Variants in KIF21B observed in about 807,000 individuals in gnomAD.
KIF21B encodes kinesin family member 21B, also known as kinesin-like protein KIF21B.
Under a neutral mutation model 192.9 loss-of-function variants are expected in KIF21B, and 85 were observed. That is an observed-to-expected ratio of 0.44 (90% CI 0.37 to 0.53). The LOEUF is 0.53. Ranked by LOEUF, KIF21B falls within the 20% of genes least tolerant of loss-of-function variation. The pLI is 0.00. For synonymous variants in KIF21B, 832 were observed against 884.6 expected (o/e 0.94, Z 1.05); for missense variants, 1,716 against 2,194.8 (o/e 0.78, Z 4.36).
Position 200,976,773 on chromosome 1 carries a change from T to C in KIF21B, c.4443+3A>G. The C allele has an allele frequency of 6.3e-7, 1 of 1,598,526 alleles. No homozygotes were observed. The highest frequency in any genetic ancestry group is 8.6e-7 in the Non-Finnish European group (1 of 1,167,256). ...CCCGACCCAGGCCTCATAGCTGAGGTACCTTAACGTAGTGGTCCTTGGAGC... is the reference window on the plus strand; with the variant it reads ...CCCGACCCAGGCCTCATAGCTGAGGCACCTTAACGTAGTGGTCCTTGGAGC... On this transcript the variant is annotated splice_donor_region_variant and intron_variant, in intron 32 of 34. Transcript: ENST00000461742.
chr1:200,996,434 T>C (rs1484077806), intron 14 of KIF21B, 39 bp from the exon 15 acceptor site: 12 of 1,579,982 alleles, frequency 7.6e-6, no homozygotes, highest in Non-Finnish European at 1.0e-5. Context: ...GCTGGGTCCC[T>C]AAGGGCTCCC....
At chr1:201,021,562 G>A (rs765366569) in intron 1 of KIF21B, among the ~76,000 whole-genome samples, 2 of 152,188 alleles carry the variant, frequency 1.3e-5, no homozygotes, top group African/African-American at 2.4e-5. Flanking sequence ...AAAGGGTCCC[G>A]GGAAGCTTCT....
rs1427785423 is a variant in KIF21B, at chr1:201,000,794, G to A, written c.1403-14C>T. On this transcript the variant is annotated splice_polypyrimidine_tract_variant and intron_variant, in intron 9 of 34. Transcript: ENST00000461742. This position sits in a 1 kb window ranked among gnomAD's most constrained non-coding sequence, Gnocchi z 6.0. ...CATTGCCATCGCCTGGAGTGGGACG[G>A]CGGGAAGAAGGGTGCGATAAAGAAG... 1.2e-6 allele frequency: 2 copies of A among 1,613,934 alleles called. No homozygotes were observed. Among genetic ancestry groups the A allele is most frequent in the Non-Finnish European group, 1.7e-6 (2 of 1,179,930 alleles).
chr1:201,006,858 A>G (rs1320612872), intron 3 of KIF21B, among the ~76,000 whole-genome samples: 5 of 151,804 alleles, frequency 3.3e-5, no homozygotes, highest in African/African-American at 1.2e-4. Flanking sequence ...AGAGACACAC[A>G]GACACACACA....
chr1:200,987,314 A>G (rs935108367), intron 24 of KIF21B, 113 bp from the exon 25 acceptor site: 34 of 926,984 alleles, frequency 3.7e-5, no homozygotes, highest in South Asian at 1.7e-4. Context: ...AACATGGCTC[A>G]CTGCAGCCTC....
At chr1:201,011,858 G>A (rs901600881) in intron 1 of KIF21B, among the ~76,000 whole-genome samples, 1 of 152,266 alleles carries the variant, frequency 6.6e-6, no homozygotes, top group African/African-American at 2.4e-5. Context: ...GTAGGCAGAT[G>A]GCAATGCTGA....
At position 201,008,836 on chromosome 1, in the gene KIF21B, C is replaced by T. The variant is rs142552201; in HGVS notation, c.380G>A (p.Arg127His). ...GCCCTGCTCCTGTGCCCGGCGCTTG[C>T]GCTCGGCAATGCCCCCAAAGAGGTG... is the stretch of plus-strand genomic sequence containing the variant. Reference protein sequence around the residue: ...IAHLFGGIAERKRRAQEQGVA... With the variant: ...IAHLFGGIAEHKRRAQEQGVA... Residue 127 changes from arginine to histidine, a missense_variant, in exon 3 of 35, where the codon CGC (arginine) becomes CAC (histidine). Physicochemically the swap from Arg to His is conservative, Grantham distance 29 (BLOSUM62 0). Coordinates refer to ENST00000461742, the MANE Select transcript of KIF21B (RefSeq NM_001252102.2). 1.6e-5 allele frequency: 26 copies of T among 1,608,668 alleles called. No individual in the cohort carries two copies. The highest frequency in any genetic ancestry group is 1.9e-5 in the Non-Finnish European group (22 of 1,179,954).
rs1416052874 is a variant in KIF21B at position 200,982,409 on chromosome 1, G to A, written c.3842+647C>T. Among the ~76,000 whole-genome samples the A allele has an allele frequency of 6.6e-6, 1 of 152,220 alleles. No individual in the cohort carries two copies. Among genetic ancestry groups the A allele is most frequent in the Non-Finnish European group, 1.5e-5 (1 of 68,040 alleles). ...CACGAGGGGCCCTTGGCTTGTCAGG[G>A]GCTCGGGACCCCAGGTCCTGAGTCT... is the stretch of plus-strand genomic sequence containing the variant. On this transcript the variant is annotated intron_variant, in intron 28 of 34. Coordinates refer to ENST00000461742, the MANE Select transcript of KIF21B (RefSeq NM_001252102.2). The surrounding 1 kb of genome is among the most constrained non-coding windows in gnomAD (Gnocchi z 4.7).
At chr1:200,994,258 G>A (rs1428734578) in intron 15 of KIF21B, among the ~76,000 whole-genome samples, 2 of 152,244 alleles carry the variant, frequency 1.3e-5, no homozygotes. Flanking sequence ...TAAGGTAGAA[G>A]GCATTGTGGC....
rs1248071000 is a variant in KIF21B, at chr1:201,023,449, A to G, written c.-66T>C. 1.1e-5 allele frequency: 13 copies of G among 1,231,946 alleles called. No individual in the cohort carries two copies. Among genetic ancestry groups the G allele is most frequent in the Non-Finnish European group, 1.4e-5 (13 of 960,948 alleles). 76.3% of individuals were successfully genotyped at this position (1,231,946 alleles called of 1,614,324 possible). A position where few individuals can be genotyped will look rare whatever the true frequency, so the allele number is the denominator to read the frequency against. Reference sequence around the variant, plus strand: ...GGGTCTGGGGGCCAATGCCCGAGGCAGCGGCTGCGGCTGCGGGAGGCGGGG... The same window carrying G: ...GGGTCTGGGGGCCAATGCCCGAGGCGGCGGCTGCGGCTGCGGGAGGCGGGG... On this transcript the variant is annotated 5_prime_UTR_variant, in exon 1 of 35. Coordinates refer to ENST00000461742, the MANE Select transcript of KIF21B (RefSeq NM_001252102.2). This position sits in a 1 kb window ranked among gnomAD's most constrained non-coding sequence, Gnocchi z 5.9.
chr1:201,009,225 C>A (rs753179434), intron 2 of KIF21B, 41 bp downstream of exon 2: 12 of 1,575,094 alleles, frequency 7.6e-6, no homozygotes, highest in Non-Finnish European at 9.6e-6. Context: ...GCAGGGAGAC[C>A]AAGGCTGGAG....
rs1308889729 is a variant in KIF21B at position 201,023,046 on chromosome 1, G to C, written c.41+297C>G. ...CGCACAGACGCTCCGGCCTGGGCCA[G>C]AGCTGGGTGTGAAATACCGGATTTC... On this transcript the variant is annotated intron_variant, in intron 1 of 34. Coordinates refer to ENST00000461742, the MANE Select transcript of KIF21B (RefSeq NM_001252102.2). This position sits in a 1 kb window ranked among gnomAD's most constrained non-coding sequence, Gnocchi z 5.9. 2.0e-5 allele frequency among the ~76,000 whole-genome samples: 3 copies of C among 152,274 alleles called. No individual in the cohort carries two copies.
In KIF21B at chr1:200,988,547, G is replaced by A; in HGVS notation, c.3299-3C>T. Reference sequence around the variant, plus strand: ...ATCTGTGCTGGCGTAGCCATTCTCTGTGGGAGGGCGGGAGGGAGGGAAAGG... The same window carrying A: ...ATCTGTGCTGGCGTAGCCATTCTCTATGGGAGGGCGGGAGGGAGGGAAAGG... On this transcript the variant is annotated splice_polypyrimidine_tract_variant and splice_region_variant and intron_variant, in intron 22 of 34. Coordinates refer to ENST00000461742, the MANE Select transcript of KIF21B (RefSeq NM_001252102.2). 6.4e-7 allele frequency: 1 copy of A among 1,569,480 alleles called. No homozygotes were observed. The highest frequency in any genetic ancestry group is 1.2e-5 in the South Asian group (1 of 86,122).
rs61740481 is a variant in KIF21B at position 200,975,587 on chromosome 1, C to T, written c.4526G>A (p.Cys1509Tyr). The T allele has an allele frequency of 1.2e-6, 2 of 1,614,108 alleles. No homozygotes were observed. The highest frequency in any genetic ancestry group is 2.7e-5 in the African/African-American group (2 of 75,070). The change falls in exon 33 of 35, where the codon TGT becomes TAT. Residue 1509 changes from cysteine to tyrosine, a missense_variant. Cys to Tyr is a radical substitution (Grantham distance 194). Coordinates refer to ENST00000461742, the MANE Select transcript of KIF21B (RefSeq NM_001252102.2). The surrounding 1 kb of genome is among the most constrained non-coding windows in gnomAD (Gnocchi z 4.3). ...FEPPHYDGIE[C>Y]LAIQGDILFS... ...CAGGATGTCTCCCTGGATGGCGAGA[C>T]ACTCGATGCCATCGTAGTGCGGGGG...
At chr1:200,991,959 G>A (rs1033784644) in intron 16 of KIF21B, among the ~76,000 whole-genome samples, 4 of 152,274 alleles carry the variant, frequency 2.6e-5, no homozygotes, top group Non-Finnish European at 5.9e-5. Context: ...CCAGTGAGGA[G>A]GAATCCTGGA....
intron 29 of KIF21B, among the ~76,000 whole-genome samples, chr1:200,980,296 C>T (rs1373013750): frequency 6.6e-6 from 1 of 152,142 alleles, no homozygotes; most frequent in Non-Finnish European, 1.5e-5. Flanking sequence ...GCTCTGTTGC[C>T]CAGGCTGGAG....
Position 201,012,631 on chromosome 1 carries a change from C to CTATGTATGTATGTATGTATG in KIF21B, c.42-3163_42-3144dup, listed in dbSNP as rs113600659. The stretch of plus-strand genomic sequence containing the variant: ...TCAAGCTGCTTTCTGTCAGAAAACT[C>CTATGTATGTATGTATGTATG]TATGTATGTATGTATGTATGTATGT... On this transcript the variant is annotated intron_variant, in intron 1 of 34. Transcript: ENST00000461742. Among the ~76,000 whole-genome samples, 250 of 150,474 alleles carry CTATGTATGTATGTATGTATG rather than the reference C, an allele frequency of 1.7e-3. 1 individual carries two copies. Among genetic ancestry groups the CTATGTATGTATGTATGTATG allele is most frequent in the African/African-American group, 4.0e-3 (162 of 40,680 alleles).
intron 1 of KIF21B, among the ~76,000 whole-genome samples, chr1:201,019,671 A>G (rs770244073): frequency 6.6e-6 from 1 of 151,944 alleles, no homozygotes; most frequent in Non-Finnish European, 1.5e-5. Flanking sequence ...CTTCCTTATG[A>G]TGACATAAAC....
At position 200,999,720 on chromosome 1, in the gene KIF21B, C is replaced by T. The variant is rs1657341066; in HGVS notation, c.1767+163G>A. Reference sequence around the variant, plus strand: ...AGGTGGGGTCCTAGGGGATGGAGATCACCATGGTAACCAGTCAGAGATATA... The same window carrying T: ...AGGTGGGGTCCTAGGGGATGGAGATTACCATGGTAACCAGTCAGAGATATA... On this transcript the variant is annotated intron_variant, in intron 12 of 34. Transcript: ENST00000461742. The surrounding 1 kb of genome is among the most constrained non-coding windows in gnomAD (Gnocchi z 4.7). 6.6e-6 allele frequency among the ~76,000 whole-genome samples: 1 copy of T among 152,080 alleles called. No individual in the cohort carries two copies. The highest frequency in any genetic ancestry group is 1.5e-5 in the Non-Finnish European group (1 of 68,004).
Sources: gnomAD v4.1 joint callset for allele counts (sites outside exome capture counted in the v4.1 genomes callset) on GRCh38, gnomAD v4.1.1 for gene constraint, Gnocchi (gnomAD v3.1) non-coding constraint, MANE v1.5 for transcripts, NCBI Gene and HGNC (gene_info 2026-07-23, HGNC 2026-07-21) for gene names.